The following OPA3 variants were observed in gnomAD, a reference collection of about 807,000 sequenced individuals.
OPA3 encodes the protein optic atrophy 3 protein.
In OPA3, 6 loss-of-function variants were observed where a neutral mutation model predicts 4.0. The observed-to-expected ratio is 1.51, with a 90% CI of 0.83 to 2.99. The LOEUF is 2.99. Among genes scored for constraint, OPA3 ranks in the 30% most tolerant of loss-of-function variants. The pLI is 0.00. For missense variants in OPA3, 235 were observed against 256.2 expected, an observed-to-expected ratio of 0.92 and a Z score of 0.56; for synonymous variants, 105 against 117.1, an observed-to-expected ratio of 0.90 and a Z score of 0.67.
intron 1 of OPA3, among the ~76,000 whole-genome samples, chr19:45,530,734 C>T (rs1010663394): frequency 6.6e-6 from 1 of 151,806 alleles, no homozygotes; most frequent in African/African-American, 2.4e-5. Context: ...GCTAGGATTA[C>T]AAGCATGAGC....
chr19:45,552,216 T>C lies in OPA3; in HGVS notation c.*1298A>G, dbSNP rs1969343266. ...ATTGACTGCAGGCCAGGACCTTTTG[T>C]GGGTTTTTTTAAGATGGAGTTTTGC... On this transcript the variant is annotated 3_prime_UTR_variant, in exon 2 of 2. Coordinates refer to ENST00000263275, the MANE Select transcript of OPA3 (RefSeq NM_025136.4). 1.0e-6 allele frequency: 1 copy of C among 963,696 alleles called. No individual in the cohort carries two copies. The highest frequency in any genetic ancestry group is 1.2e-6 in the Non-Finnish European group (1 of 817,230). 59.7% of individuals were successfully genotyped at this position (963,696 alleles called of 1,614,324 possible). A position where few individuals can be genotyped will look rare whatever the true frequency, so the allele number is the denominator to read the frequency against.
rs1408953291 is a variant in OPA3, at chr19:45,550,943, G to T, written c.*2571C>A. The T allele has an allele frequency of 1.0e-6, 1 of 985,500 alleles. No homozygotes were observed. The highest frequency in any genetic ancestry group is 1.7e-5 in the African/African-American group (1 of 57,172). The allele number at this position is 985,500 out of a possible 1,614,324, so 61.0% of individuals were successfully genotyped here. ...AGCTAGCAGGAAGGCCAAATGGCCC[G>T]CGGGGTTGGCAGGAGTCCCAGGGTA... On this transcript the variant is annotated 3_prime_UTR_variant, in exon 2 of 2. Coordinates refer to ENST00000263275, the MANE Select transcript of OPA3 (RefSeq NM_025136.4).
downstream of OPA3, among the ~76,000 whole-genome samples, chr19:45,544,795 AAAATAAATAAAT>A (rs200192671): frequency 1.3e-4 from 19 of 140,748 alleles, no homozygotes; most frequent in East Asian, 1.7e-3. Flanking sequence ...ACTCCGTCTC[AAAATAAATAAAT>A]AAATAAATAA....
intron 1 of OPA3, among the ~76,000 whole-genome samples, chr19:45,533,484 G>A (rs534255891): frequency 2.1e-4 from 32 of 152,216 alleles, no homozygotes; most frequent in Admixed American, 7.2e-4. Context: ...GTGAGCCACC[G>A]CGCCCAGCTG....
At chr19:45,539,702 A>C (rs1969161174) in intron 1 of OPA3, among the ~76,000 whole-genome samples, 1 of 151,698 alleles carries the variant, frequency 6.6e-6, no homozygotes, top group South Asian at 2.1e-4. Flanking sequence ...TGCAGTGAGC[A>C]GACAGCGCGT....
At chr19:45,530,711 A>G (rs1568394564) in intron 1 of OPA3, among the ~76,000 whole-genome samples, 1 of 151,888 alleles carries the variant, frequency 6.6e-6, no homozygotes, top group Non-Finnish European at 1.5e-5. Flanking sequence ...CGCCTGCTTC[A>G]GCCTCCCAAA....
chr19:45,553,965 A>G, intron 1 of OPA3, 54 bp from the exon 2 acceptor site: 1 of 1,448,498 alleles, frequency 6.9e-7, no homozygotes, highest in Non-Finnish European at 9.5e-7. Context: ...TGCAAGCCCC[A>G]CCCCTCTCAC....
chr19:45,573,810 C>G (rs1330776361), intron 1 of OPA3, among the ~76,000 whole-genome samples: 1 of 152,194 alleles, frequency 6.6e-6, no homozygotes, highest in Non-Finnish European at 1.5e-5. Flanking sequence ...GGGCAAGGAT[C>G]TGAGTGCACG....
In OPA3 at chr19:45,548,477, C is replaced by T; in HGVS notation, c.*5037G>A. 2 of 985,438 alleles carry T rather than the reference C, an allele frequency of 2.0e-6. No homozygotes were observed. The highest frequency in any genetic ancestry group is 2.4e-6 in the Non-Finnish European group (2 of 829,964). The allele number at this position is 985,438 out of a possible 1,614,324, so 61.0% of individuals were successfully genotyped here. ...TCCAGAGGGAGGATTCCGGATTCAG[C>T]CCAGCCCCTGCTTCCTAAACAACTA... On this transcript the variant is annotated 3_prime_UTR_variant, in exon 2 of 2. Coordinates refer to ENST00000263275, the MANE Select transcript of OPA3 (RefSeq NM_025136.4).
At position 45,553,150 on chromosome 19, in the gene OPA3, A is replaced by G; in HGVS notation, c.*364T>C. 1.6e-6 allele frequency: 2 copies of G among 1,246,606 alleles called. No individual in the cohort carries two copies. Among genetic ancestry groups the G allele is most frequent in the Non-Finnish European group, 1.0e-6 (1 of 983,474 alleles). 77.2% of individuals were successfully genotyped at this position (1,246,606 alleles called of 1,614,324 possible). ...CAGATGAGTGTCCCAGTAAAGGTTA[A>G]CACTGATCAGGTAAACCGGGGGTGG... is the stretch of plus-strand genomic sequence containing the variant. On this transcript the variant is annotated 3_prime_UTR_variant, in exon 2 of 2. Coordinates refer to ENST00000263275, the MANE Select transcript of OPA3 (RefSeq NM_025136.4).
rs564614144 is a variant in OPA3, at chr19:45,530,423, T to C, written c.143-967A>G. Among the ~76,000 whole-genome samples, 5 of 152,248 alleles carry C rather than the reference T, an allele frequency of 3.3e-5. No homozygotes were observed. The East Asian group carries it at 9.7e-4, about 29-fold the overall frequency. On this transcript the variant is annotated intron_variant, in intron 1 of 1. Coordinates refer to the OPA3 transcript ENST00000323060. ...CTCAACCCCATGAACTATATGGAAT[T>C]CATCACATATTCTATCTCCTTCCCT... is the stretch of plus-strand genomic sequence containing the variant.
intron 1 of OPA3, among the ~76,000 whole-genome samples, chr19:45,530,513 T>C (rs916240425): frequency 1.3e-5 from 2 of 148,272 alleles, no homozygotes; most frequent in African/African-American, 5.0e-5. Flanking sequence ...TATGTATGTA[T>C]GGTTTTTTTT....
chr19:45,528,951 T>C, exon 2 of OPA3: 1 of 1,357,108 alleles, frequency 7.4e-7, no homozygotes, highest in Non-Finnish European at 1.0e-6. Flanking sequence ...GACTGGGTGG[T>C]GTCAGCTGGG....
rs543618194 is a variant in OPA3, at chr19:45,552,244, G to C, written c.*1270C>G. 3.1e-6 allele frequency: 3 copies of C among 981,016 alleles called. No individual in the cohort carries two copies. The highest frequency in any genetic ancestry group is 2.4e-6 in the Non-Finnish European group (2 of 826,218). The allele number at this position is 981,016 out of a possible 1,614,324, so 60.8% of individuals were successfully genotyped here. A position where few individuals can be genotyped will look rare whatever the true frequency, so the allele number is the denominator to read the frequency against. ...GTTTTTTTAAGATGGAGTTTTGCTC[G>C]TTACCCAGGCTGGCATGCAATTGCG... On this transcript the variant is annotated 3_prime_UTR_variant, in exon 2 of 2. Coordinates refer to ENST00000263275, the MANE Select transcript of OPA3 (RefSeq NM_025136.4).
At chr19:45,561,090 T>C (rs1041852132) in intron 1 of OPA3, among the ~76,000 whole-genome samples, 1 of 152,020 alleles carries the variant, frequency 6.6e-6, no homozygotes, top group Non-Finnish European at 1.5e-5. Flanking sequence ...TCCCAGCACT[T>C]TGGGAGGCCG....
At position 45,584,554 on chromosome 19, in the gene OPA3, C is replaced by G. The variant is rs62111684; in HGVS notation, c.142+69G>C. ...TGATTGGTCGTAGACAGAAGTCCAT[C>G]CCCTAAGCAACCACCTGACAGGGGT... is the stretch of plus-strand genomic sequence containing the variant. On this transcript the variant is annotated intron_variant, in intron 1 of 1. Coordinates refer to ENST00000263275, the MANE Select transcript of OPA3 (RefSeq NM_025136.4). The G allele has an allele frequency of 0.046, 74,758 of 1,611,318 alleles. 1,938 individuals are homozygous for G. Among genetic ancestry groups the G allele is most frequent in the South Asian group, 0.065 (5,898 of 90,960 alleles).
intron 1 of OPA3, among the ~76,000 whole-genome samples, chr19:45,536,916 A>C (rs1040594088): frequency 7.2e-5 from 11 of 152,144 alleles, no homozygotes; most frequent in Non-Finnish European, 1.3e-4. Context: ...TATGATAGAC[A>C]CAAAAATAAC....
At chr19:45,528,009 A>C (rs1234461426) in exon 2 of OPA3, 1 of 152,452 alleles carries the variant, frequency 6.6e-6, no homozygotes, top group Non-Finnish European at 1.5e-5. Context: ...CAAAGGCAGG[A>C]AGGAAGGGCG....
intron 1 of OPA3, among the ~76,000 whole-genome samples, chr19:45,583,930 T>A (rs1197000556): frequency 6.6e-6 from 1 of 152,182 alleles, no homozygotes; most frequent in East Asian, 1.9e-4. Flanking sequence ...GGGTTGACAG[T>A]GATGGATCAG....
Sources: allele counts gnomAD v4.1 joint callset (sites outside exome capture counted in the v4.1 genomes callset), GRCh38; gene constraint gnomAD v4.1.1; transcripts MANE v1.5; gene names NCBI Gene and HGNC (gene_info 2026-07-23, HGNC 2026-07-21).